Variants in ZNF536 observed in about 807,000 individuals in gnomAD.
ZNF536 encodes the protein zinc finger protein 536.
A neutral mutation model predicts 84.5 loss-of-function variants in ZNF536; 13 were observed. The ratio of observed to expected loss-of-function variants is 0.15; its 90% CI spans 0.10 to 0.24. ZNF536 has a LOEUF of 0.24. Among genes scored for constraint, ZNF536 ranks in the 10% least tolerant of loss-of-function variants. ZNF536 has a pLI of 1.00. For synonymous variants in ZNF536, 811 were observed against 742.5 expected (o/e 1.09, Z -1.50); for missense variants, 1,536 against 1,747.5 (o/e 0.88, Z 2.16).
At chr19:30,410,390 TTTG>T (rs2050429363) in intron 1 of ZNF536, among the ~76,000 whole-genome samples, 1 of 151,986 alleles carries the variant, frequency 6.6e-6, no homozygotes, top group African/African-American at 2.4e-5. Context: ...CCATTTACTT[TTTG>T]TTCTTTGAAA....
At chr19:30,412,885 T>A (rs2050553906) in intron 1 of ZNF536, among the ~76,000 whole-genome samples, 1 of 152,030 alleles carries the variant, frequency 6.6e-6, no homozygotes, top group South Asian at 2.1e-4. Context: ...AATGTAAATG[T>A]TCGTTATCCT....
At chr19:30,456,534 C>T (rs1009159084) in intron 2 of ZNF536, among the ~76,000 whole-genome samples, 2 of 152,036 alleles carry the variant, frequency 1.3e-5, no homozygotes, top group African/African-American at 4.8e-5. Context: ...GTGTTTGCAC[C>T]ATGAGAAAAT....
intron 1 of ZNF536, among the ~76,000 whole-genome samples, chr19:30,698,900 A>G (rs748805610): frequency 3.3e-5 from 5 of 152,244 alleles, no homozygotes; most frequent in Non-Finnish European, 5.9e-5. Context: ...TTTGGAATGC[A>G]CAAGGCATTT....
At chr19:30,661,640 A>G (rs1239226102) in intron 1 of ZNF536, among the ~76,000 whole-genome samples, 1 of 152,210 alleles carries the variant, frequency 6.6e-6, no homozygotes, top group Non-Finnish European at 1.5e-5. Context: ...GATATTAATC[A>G]ACACATCCTT....
chr19:30,358,449 G>A (rs962468620), intron 3 of ZNF536, among the ~76,000 whole-genome samples: 2 of 152,206 alleles, frequency 1.3e-5, no homozygotes, highest in African/African-American at 4.8e-5. Context: ...GGGTGGTGGG[G>A]TTTGTGTCTT....
intron 1 of ZNF536, among the ~76,000 whole-genome samples, chr19:30,604,890 G>A (rs186667551): frequency 6.6e-5 from 10 of 152,322 alleles, no homozygotes; most frequent in Non-Finnish European, 1.3e-4. Context: ...GCATGATGGG[G>A]CTTCTGGAGA....
chr19:30,651,532 C>A (rs1260818607), intron 1 of ZNF536, among the ~76,000 whole-genome samples: 2 of 152,138 alleles, frequency 1.3e-5, no homozygotes, highest in African/African-American at 4.8e-5. Context: ...TGAATAGCAT[C>A]CATTTCATGC....
chr19:30,232,598 T>C (rs571977023), intron 1 of ZNF536, among the ~76,000 whole-genome samples: 5 of 152,380 alleles, frequency 3.3e-5, no homozygotes, highest in African/African-American at 9.6e-5. Context: ...AAAATCACTG[T>C]AGATCTCTGG....
At chr19:30,389,390 C>T (rs919372920) in intron 1 of ZNF536, among the ~76,000 whole-genome samples, 1 of 152,138 alleles carries the variant, frequency 6.6e-6, no homozygotes, top group Non-Finnish European at 1.5e-5. Context: ...CCTTGCCTCT[C>T]CTCTACTCTG....
At chr19:30,518,278 A>G (rs1181523808) in intron 2 of ZNF536, among the ~76,000 whole-genome samples, 1 of 152,196 alleles carries the variant, frequency 6.6e-6, no homozygotes, top group East Asian at 1.9e-4. Flanking sequence ...GGGTAGCTTC[A>G]GTGTTCTTAC....
chr19:30,484,988 C>CA (rs1177995047), intron 2 of ZNF536, among the ~76,000 whole-genome samples: 2 of 151,626 alleles, frequency 1.3e-5, no homozygotes, highest in African/African-American at 4.8e-5. Flanking sequence ...CTAAAAAATA[C>CA]AAAAAATTAG....
intron 1 of ZNF536, among the ~76,000 whole-genome samples, chr19:30,638,970 A>T (rs2049170102): frequency 6.6e-6 from 1 of 151,834 alleles, no homozygotes; most frequent in Non-Finnish European, 1.5e-5. Flanking sequence ...TTCTACCTAA[A>T]CTCCTTATCT....
intron 2 of ZNF536, among the ~76,000 whole-genome samples, chr19:30,467,801 C>T (rs1490100504): frequency 6.6e-6 from 1 of 152,328 alleles, no homozygotes; most frequent in Admixed American, 6.5e-5. Flanking sequence ...TCTGCTCAGA[C>T]CTTAAGCCAC....
chr19:30,686,675 G>T (rs1245362595), intron 1 of ZNF536, among the ~76,000 whole-genome samples: 1 of 152,084 alleles, frequency 6.6e-6, no homozygotes, highest in Non-Finnish European at 1.5e-5. Context: ...AGGTATCTGC[G>T]CGCGTCTTCA....
chr19:30,678,241 C>T (rs530261855), intron 1 of ZNF536, among the ~76,000 whole-genome samples: 21 of 152,264 alleles, frequency 1.4e-4, no homozygotes, highest in South Asian at 4.2e-4. Flanking sequence ...GGGTTATGGC[C>T]GCTGGCTGGG....
chr19:30,440,036 C>G (rs1600733023), intron 1 of ZNF536, among the ~76,000 whole-genome samples: 1 of 144,950 alleles, frequency 6.9e-6, no homozygotes, highest in Non-Finnish European at 1.5e-5. Flanking sequence ...TCTCAGCTCA[C>G]TGGAACCTCC....
intron 1 of ZNF536, among the ~76,000 whole-genome samples, chr19:30,571,830 G>C (rs2046558344): frequency 6.6e-6 from 1 of 152,136 alleles, no homozygotes; most frequent in South Asian, 2.1e-4. Flanking sequence ...ATGATGAAAT[G>C]AAAGAATCTT....
chr19:30,284,506 C>T (rs1371744898), intron 2 of ZNF536, among the ~76,000 whole-genome samples: 2 of 152,204 alleles, frequency 1.3e-5, no homozygotes, highest in Admixed American at 6.5e-5. Context: ...CACCTGTGGT[C>T]GGGCTCCCCA....
chr19:30,577,990 C>T (rs1312129642), intron 1 of ZNF536, among the ~76,000 whole-genome samples: 3 of 152,120 alleles, frequency 2.0e-5, no homozygotes, highest in African/African-American at 7.2e-5. Flanking sequence ...GATATGGTTA[C>T]ATATTAGTTT....
Sources: gnomAD v4.1 joint callset for allele counts (sites outside exome capture counted in the v4.1 genomes callset) on GRCh38, gnomAD v4.1.1 for gene constraint, MANE v1.5 for transcripts, NCBI Gene and HGNC (gene_info 2026-07-23, HGNC 2026-07-21) for gene names.